The following ZNF718 variants were observed in gnomAD, a reference collection of about 807,000 sequenced individuals.
ZNF718 encodes zinc finger protein 718.
ZNF718 carries 3 observed loss-of-function variants against 2.6 expected under a neutral mutation model. That is an observed-to-expected ratio of 1.16 (90% CI 0.53 to 3.01). The LOEUF (loss-of-function observed/expected upper bound fraction) is 3.01. Among genes scored for constraint, ZNF718 ranks in the 30% most tolerant of loss-of-function variants. ZNF718 has a pLI of 0.03. For missense variants in ZNF718, 468 were observed against 230.0 expected, an observed-to-expected ratio of 2.03 and a Z score of -6.69; for synonymous variants, 135 against 77.9, an observed-to-expected ratio of 1.73 and a Z score of -3.86.
At chr4:131,074 A>G (rs1715339528) in intron 2 of ZNF718, among the ~76,000 whole-genome samples, 160 bp downstream of exon 2, 1 of 104,524 alleles carries the variant, frequency 9.6e-6, no homozygotes, top group African/African-American at 3.3e-5. Flanking sequence ...AATCTTTAGG[A>G]TGTTTCATCT....
rs782672622 is a variant in ZNF718, at chr4:161,613, C to A, written c.928C>A (p.Pro310Thr). Residue 310 changes from proline (P) to threonine (T), a missense_variant, in exon 4 of 4, where the codon CCC becomes ACC. By Grantham distance (38) the Pro-to-Thr change is conservative (BLOSUM62 -1). Coordinates refer to ENST00000510175, the MANE Select transcript of ZNF718 (RefSeq NM_001039127.6). ...TAAGAGAATTCATGCTGGAGAGAAA[C>A]CCTTCTCATGCGAAGAATGTGGCAA... ...EHKRIHAGEK[P>T]FSCEECGNVF... 7.7e-6 allele frequency: 6 copies of A among 780,400 alleles called. No homozygotes were observed. Among genetic ancestry groups the A allele is most frequent in the Non-Finnish European group, 1.4e-5 (6 of 417,912 alleles). The allele number at this position is 780,400 out of a possible 1,614,324, so 48.3% of individuals were successfully genotyped here. A position where few individuals can be genotyped will look rare whatever the true frequency, so the allele number is the denominator to read the frequency against.
chr4:161,631 T>A lies in ZNF718; in HGVS notation c.946T>A (p.Cys316Ser), dbSNP rs782135949. The A allele has an allele frequency of 1.3e-6, 1 of 780,312 alleles. No individual in the cohort carries two copies. The highest frequency in any genetic ancestry group is 1.7e-5 in the African/African-American group (1 of 59,252). 48.3% of individuals were successfully genotyped at this position (780,312 alleles called of 1,614,324 possible). ...AGAGAAACCCTTCTCATGCGAAGAATGTGGCAATGTCTTTACCACATCCTC... is the reference window on the plus strand; with the variant it reads ...AGAGAAACCCTTCTCATGCGAAGAAAGTGGCAATGTCTTTACCACATCCTC... ...AGEKPFSCEE[C>S]GNVFTTSSDF... is the part of the protein sequence containing the mutation. The change falls in exon 4 of 4, where the codon TGT becomes AGT. Residue 316 changes from cysteine to serine, a missense_variant. Transcript: ENST00000510175.
chr4:183,823 A>G (rs1717512991), intron 3 of ZNF718, among the ~76,000 whole-genome samples: 2 of 152,206 alleles, frequency 1.3e-5, no homozygotes, highest in South Asian at 4.1e-4. Context: ...TTTTTGGTAC[A>G]TAGGAATGCT....
chr4:158,020 T>C (rs1435924090), intron 3 of ZNF718, among the ~76,000 whole-genome samples: 1 of 152,062 alleles, frequency 6.6e-6, no homozygotes, highest in Non-Finnish European at 1.5e-5. Context: ...TAATGTGAGA[T>C]ACACACACAC....
intron 3 of ZNF718, among the ~76,000 whole-genome samples, chr4:178,791 G>T (rs1298477716): frequency 1.3e-5 from 2 of 152,162 alleles, no homozygotes; most frequent in African/African-American, 4.8e-5. Flanking sequence ...CATAAGGGAT[G>T]TTAATTCCTG....
Position 146,077 on chromosome 4 carries a change from C to CTATATATA in ZNF718, c.226+14588_226+14595dup, listed in dbSNP as rs5742061. On this transcript the variant is annotated intron_variant, in intron 3 of 3. Coordinates refer to ENST00000510175, the MANE Select transcript of ZNF718 (RefSeq NM_001039127.6). ...GCACCATAATTAGTGATATAGCCTT[C>CTATATATA]TATATATATATATATATATATATGT... 3.8e-3 allele frequency among the ~76,000 whole-genome samples: 543 copies of CTATATATA among 143,038 alleles called. 7 individuals are homozygous for CTATATATA. The highest frequency in any genetic ancestry group is 0.011 in the African/African-American group (427 of 39,090). 93.8% of individuals were successfully genotyped at this position (143,038 alleles called of 152,430 possible). A position where few individuals can be genotyped will look rare whatever the true frequency, so the allele number is the denominator to read the frequency against.
downstream of ZNF718, among the ~76,000 whole-genome samples, chr4:168,637 C>T (rs145035138): frequency 0.22 from 33,823 of 151,980 alleles, 4,113 homozygotes; most frequent in Non-Finnish European, 0.28. Flanking sequence ...AGTTTATTTG[C>T]GTAGAGTTGT....
At chr4:140,271 A>T (rs1715756752) in intron 3 of ZNF718, among the ~76,000 whole-genome samples, 1 of 152,118 alleles carries the variant, frequency 6.6e-6, no homozygotes, top group African/African-American at 2.4e-5. Context: ...CTGAGATCGG[A>T]TCCACAGGAG....
intron 3 of ZNF718, chr4:150,372 G>A (rs1716261583): frequency 6.6e-6 from 1 of 152,110 alleles, no homozygotes; most frequent in African/African-American, 2.4e-5. Flanking sequence ...ATACGATGAT[G>A]TAGTACCATG....
At chr4:126,872 G>C (rs1241040892) in intron 1 of ZNF718, among the ~76,000 whole-genome samples, 1 of 151,508 alleles carries the variant, frequency 6.6e-6, no homozygotes, top group Non-Finnish European at 1.5e-5. Context: ...GTGTCGCCAG[G>C]CTGGAGTGCA....
chr4:152,620 T>C (rs1716377927), intron 3 of ZNF718, among the ~76,000 whole-genome samples: 1 of 151,988 alleles, frequency 6.6e-6, no homozygotes, highest in South Asian at 2.1e-4. Context: ...AGAAGAATTT[T>C]TCTTAGTACA....
At chr4:195,602 A>G (rs920578072) in intron 3 of ZNF718, among the ~76,000 whole-genome samples, 35 of 151,028 alleles carry the variant, frequency 2.3e-4, no homozygotes, top group Non-Finnish European at 7.4e-5. Context: ...TTTTTGACTT[A>G]GGATAGCTCT....
Position 195,723 on chromosome 4 carries a change from G to A in ZNF718, c.227-5358G>A, listed in dbSNP as rs560323870. ...GATTGAATGCATTTGGCCCATCCAC[G>A]GGTTACTGGGTTAAGAATTTTTTAT... On this transcript the variant is annotated intron_variant and NMD_transcript_variant, in intron 3 of 4. Coordinates refer to the ZNF718 transcript ENST00000642529. 7.9e-5 allele frequency among the ~76,000 whole-genome samples: 12 copies of A among 152,148 alleles called. No individual in the cohort carries two copies. In the South Asian group the frequency reaches 2.3e-3, roughly 29 times the overall value.
At chr4:171,549 G>A (rs1414305735) in intron 3 of ZNF718, among the ~76,000 whole-genome samples, 8 of 152,066 alleles carry the variant, frequency 5.3e-5, no homozygotes, top group Non-Finnish European at 8.8e-5. Context: ...AATGGTGGGC[G>A]CCCCTCCCCC....
downstream of ZNF718, among the ~76,000 whole-genome samples, chr4:169,061 C>A (rs1717162629): frequency 6.6e-6 from 1 of 152,180 alleles, no homozygotes; most frequent in Non-Finnish European, 1.5e-5. Flanking sequence ...TGTCTTTGTT[C>A]TCACTGGTTT....
intron 1 of ZNF718, chr4:124,917 A>C (rs553946335): frequency 1.5e-5 from 7 of 465,232 alleles, no homozygotes; most frequent in Non-Finnish European, 2.7e-5. Flanking sequence ...AGTGAGTAGG[A>C]GCTCATCCGG....
At position 161,814 on chromosome 4, in the gene ZNF718, A is replaced by T. The variant is rs781936329; in HGVS notation, c.1129A>T (p.Asn377Tyr). The T allele has an allele frequency of 1.3e-6, 1 of 780,904 alleles. No individual in the cohort carries two copies. The highest frequency in any genetic ancestry group is 1.7e-5 in the Admixed American group (1 of 59,020). 48.4% of individuals were successfully genotyped at this position (780,904 alleles called of 1,614,324 possible). A position where few individuals can be genotyped will look rare whatever the true frequency, so the allele number is the denominator to read the frequency against. Residue 377 changes from asparagine to tyrosine, a missense_variant, in exon 4 of 4, where the codon AAT (asparagine) becomes TAT (tyrosine). Physicochemically the swap from Asn to Tyr is moderately radical, Grantham distance 143. Coordinates refer to ENST00000510175, the MANE Select transcript of ZNF718 (RefSeq NM_001039127.6). ...ATGTGAAGAATGTGGAAAAGCCTTT[A>T]ATTGGTCCTCAACCCTTAATGTACA... ...YTCEECGKAF[N>Y]WSSTLNVHKR... is the part of the protein sequence containing the mutation.
downstream of ZNF718, among the ~76,000 whole-genome samples, chr4:165,078 T>G (rs1553816504): frequency 1.3e-5 from 2 of 152,186 alleles, no homozygotes; most frequent in African/African-American, 4.8e-5. Flanking sequence ...TTTTTTGATG[T>G]CTTTATGTGT....
chr4:173,525 C>A (rs113611029), intron 3 of ZNF718, among the ~76,000 whole-genome samples: 24 of 152,198 alleles, frequency 1.6e-4, no homozygotes, highest in African/African-American at 5.8e-4. Context: ...GGAAAGAAAC[C>A]AATAGTTACT....
Sources: gnomAD v4.1 joint callset for allele counts (sites outside exome capture counted in the v4.1 genomes callset) on GRCh38, gnomAD v4.1.1 for gene constraint, MANE v1.5 for transcripts, NCBI Gene and HGNC (gene_info 2026-07-23, HGNC 2026-07-21) for gene names.